Variants in NDUFS1 observed in about 807,000 individuals in gnomAD.
The protein encoded by NDUFS1 is NADH:ubiquinone oxidoreductase core subunit S1.
NDUFS1 carries 61 observed loss-of-function variants against 84.4 expected under a neutral mutation model. The ratio of observed to expected loss-of-function variants is 0.72; its 90% CI spans 0.59 to 0.89. The LOEUF is 0.89. NDUFS1 is among the 40% of genes least tolerant of loss of function. NDUFS1 has a pLI of 0.00. For missense variants in NDUFS1, 891 were observed against 890.0 expected, an observed-to-expected ratio of 1.00 and a Z score of -0.01; for synonymous variants, 275 against 290.0, an observed-to-expected ratio of 0.95 and a Z score of 0.53.
chr2:206,115,892 A>C lies in NDUFS1; in HGVS notation c.*8293T>G, dbSNP rs1690931043. On this transcript the variant is annotated 3_prime_UTR_variant, in exon 19 of 19. Transcript: ENST00000233190. ...TTTCATGAATACTAGAGCCTAGTCT[A>C]AAAATCATAGGATGTTGTGAAAAAG... 3.3e-5 allele frequency: 19 copies of C among 571,514 alleles called. No individual in the cohort carries two copies. The highest frequency in any genetic ancestry group is 6.0e-5 in the Non-Finnish European group (19 of 315,288). 35.4% of individuals were successfully genotyped at this position (571,514 alleles called of 1,614,324 possible).
At chr2:206,144,755 C>T in intron 9 of NDUFS1, 137 bp downstream of exon 9, 1 of 854,062 alleles carries the variant, frequency 1.2e-6, no homozygotes, top group Non-Finnish European at 1.8e-6. Flanking sequence ...AGTATTATCA[C>T]ATTATATAAG....
intron 8 of NDUFS1, among the ~76,000 whole-genome samples, chr2:206,146,045 G>C (rs1250433314): frequency 6.6e-6 from 1 of 152,068 alleles, no homozygotes; most frequent in Non-Finnish European, 1.5e-5. Flanking sequence ...GTAATAGCTG[G>C]GCAAACTTGA....
intron 14 of NDUFS1, 47 bp downstream of exon 14, chr2:206,132,898 A>G (rs1691566446): frequency 9.2e-6 from 14 of 1,526,112 alleles, no homozygotes; most frequent in Non-Finnish European, 1.2e-5. Context: ...ATACATATAC[A>G]CAACATTACT....
intron 3 of NDUFS1, among the ~76,000 whole-genome samples, chr2:206,151,489 T>G (rs1247965861): frequency 6.6e-6 from 1 of 152,212 alleles, no homozygotes; most frequent in African/African-American, 2.4e-5. Context: ...CTCCTATCCC[T>G]GCCACAACTT....
chr2:206,131,031 A>G (rs1315269057), intron 14 of NDUFS1, among the ~76,000 whole-genome samples: 4 of 152,216 alleles, frequency 2.6e-5, no homozygotes, highest in African/African-American at 9.6e-5. Context: ...TTATAAGCAC[A>G]AAATAATCTT....
In NDUFS1 at chr2:206,117,464, T is replaced by G. The variant is rs1437679826; in HGVS notation, c.*6721A>C. The G allele has an allele frequency of 6.6e-6, 1 of 152,276 alleles. No homozygotes were observed. Among genetic ancestry groups the G allele is most frequent in the African/African-American group, 2.4e-5 (1 of 41,474 alleles). The allele number at this position is 152,276 out of a possible 1,614,324, so 9.4% of individuals were successfully genotyped here. ...TTGTTTTTCTTTTTGAGATGGGGTCTCGCTTTGTCGCCCATGCTAGAGCGC... is the reference window on the plus strand; with the variant it reads ...TTGTTTTTCTTTTTGAGATGGGGTCGCGCTTTGTCGCCCATGCTAGAGCGC... On this transcript the variant is annotated 3_prime_UTR_variant, in exon 19 of 19. Coordinates refer to ENST00000233190, the MANE Select transcript of NDUFS1 (RefSeq NM_005006.7).
chr2:206,153,793 T>G, intron 1 of NDUFS1, 111 bp from the exon 2 acceptor site: 1 of 666,254 alleles, frequency 1.5e-6, no homozygotes, highest in Non-Finnish European at 2.7e-6. Context: ...CATTGAACAC[T>G]CATAGGTTCT....
chr2:206,126,028 G>A (rs1691280027), intron 18 of NDUFS1, among the ~76,000 whole-genome samples: 2 of 152,158 alleles, frequency 1.3e-5, no homozygotes, highest in South Asian at 4.1e-4. Context: ...CTTTTAGATA[G>A]AAAATTAGTC....
In NDUFS1 at chr2:206,142,664, A is replaced by T. The variant is rs373675889; in HGVS notation, c.1133+22T>A. 6.8e-6 allele frequency: 11 copies of T among 1,614,008 alleles called. No individual in the cohort carries two copies. The African/African-American group carries it at 1.2e-4, about 18-fold the overall frequency. Reference sequence around the variant, plus strand: ...ACTAAAAAAAGAAAGGAAAGCCTAGATCCTAGCTTCATATTTCTCACCCAG... The same window carrying T: ...ACTAAAAAAAGAAAGGAAAGCCTAGTTCCTAGCTTCATATTTCTCACCCAG... On this transcript the variant is annotated intron_variant, in intron 11 of 18. Coordinates refer to ENST00000233190, the MANE Select transcript of NDUFS1 (RefSeq NM_005006.7).
intron 13 of NDUFS1, among the ~76,000 whole-genome samples, chr2:206,133,590 T>C (rs150484580): frequency 9.8e-5 from 15 of 152,308 alleles, no homozygotes; most frequent in African/African-American, 3.4e-4. Context: ...AAGGCTTTGT[T>C]TTAAACCATA....
chr2:206,147,727 A>G (rs1692214011), intron 6 of NDUFS1, 26 bp downstream of exon 6: 1 of 1,613,802 alleles, frequency 6.2e-7, no homozygotes, highest in East Asian at 2.2e-5. Context: ...GACAACCAAA[A>G]AGATTGACAG....
At chr2:206,156,966 T>G (rs1343369332) in intron 1 of NDUFS1, among the ~76,000 whole-genome samples, 1 of 152,236 alleles carries the variant, frequency 6.6e-6, no homozygotes, top group Non-Finnish European at 1.5e-5. Flanking sequence ...TCAGTATGTG[T>G]GTGTGTTTTG....
chr2:206,151,054 T>C (rs1692353890), intron 3 of NDUFS1, among the ~76,000 whole-genome samples: 1 of 152,218 alleles, frequency 6.6e-6, no homozygotes, highest in Non-Finnish European at 1.5e-5. Context: ...ATTGACACTA[T>C]CTATTTTAGG....
chr2:206,150,692 T>C (rs1692340054), intron 3 of NDUFS1, among the ~76,000 whole-genome samples: 2 of 152,202 alleles, frequency 1.3e-5, no homozygotes, highest in Non-Finnish European at 2.9e-5. Context: ...GTCCAAACCT[T>C]AATCTGCAGC....
At chr2:206,136,983 C>T (rs1004225838) in intron 13 of NDUFS1, among the ~76,000 whole-genome samples, 1 of 151,668 alleles carries the variant, frequency 6.6e-6, no homozygotes, top group South Asian at 2.1e-4. Context: ...AAACTCCCGA[C>T]CTCAGGTGAT....
Position 206,115,799 on chromosome 2 carries a change from T to C in NDUFS1, c.*8386A>G. The C allele has an allele frequency of 2.5e-6, 1 of 408,010 alleles. No homozygotes were observed. 25.3% of individuals were successfully genotyped at this position (408,010 alleles called of 1,614,324 possible). The stretch of plus-strand genomic sequence containing the variant: ...TACAATATTATATAAGGCTTAAGAA[T>C]AACAACATTATCTTTGAATTATGTA... On this transcript the variant is annotated 3_prime_UTR_variant, in exon 19 of 19. Transcript: ENST00000233190.
chr2:206,144,025 G>C lies in NDUFS1; in HGVS notation c.980C>G (p.Ala327Gly). 1 of 1,606,084 alleles carries C rather than the reference G, an allele frequency of 6.2e-7. No individual in the cohort carries two copies. Among genetic ancestry groups the C allele is most frequent in the Non-Finnish European group, 8.5e-7 (1 of 1,172,850 alleles). ...TSWEDALSRV[A>G]GMLQSFQGKD... is the part of the protein sequence containing the mutation. ...ATTTATTTCAAATTTTACCATTCCA[G>C]CTACGCGAGAGAGCGCATCCTCCCA... The change falls in exon 10 of 19, where the codon GCT becomes GGT. Residue 327 changes from alanine (A) to glycine (G), a missense_variant. By Grantham distance (60) the Ala-to-Gly change is moderately conservative. Transcript: ENST00000233190.
chr2:206,153,335 A>C (rs1692448061), intron 2 of NDUFS1, among the ~76,000 whole-genome samples: 1 of 151,708 alleles, frequency 6.6e-6, no homozygotes, highest in Admixed American at 6.6e-5. Flanking sequence ...AGCTGGGATT[A>C]CAGGTGTGCC....
intron 13 of NDUFS1, among the ~76,000 whole-genome samples, chr2:206,133,443 GTTAA>G (rs916127115): frequency 1.3e-5 from 2 of 152,218 alleles, no homozygotes; most frequent in Admixed American, 6.5e-5. Context: ...AGATTCAGAT[GTTAA>G]TTAAAGAATA....
Sources: gnomAD v4.1 joint callset for allele counts (sites outside exome capture counted in the v4.1 genomes callset) on GRCh38, gnomAD v4.1.1 for gene constraint, MANE v1.5 for transcripts, NCBI Gene and HGNC (gene_info 2026-07-23, HGNC 2026-07-21) for gene names.